Variants in SMAP1 observed in about 807,000 individuals in gnomAD.
SMAP1 encodes the protein stromal membrane-associated protein 1.
In SMAP1, 24 loss-of-function variants were observed where a neutral mutation model predicts 58.5. That is an observed-to-expected ratio of 0.41 (90% CI 0.30 to 0.58). The LOEUF (loss-of-function observed/expected upper bound fraction) is 0.58. Ranked by LOEUF, SMAP1 falls within the 20% of genes least tolerant of loss-of-function variation. The probability of loss-of-function intolerance (pLI) is 0.29; values close to 1 mark genes in which losing one functional copy is unlikely to be tolerated. For missense variants in SMAP1, 563 were observed against 566.3 expected, an observed-to-expected ratio of 0.99 and a Z score of 0.06; for synonymous variants, 216 against 196.6, an observed-to-expected ratio of 1.10 and a Z score of -0.82.
At chr6:70,673,687 G>A (rs1562084452) in intron 1 of SMAP1, among the ~76,000 whole-genome samples, 1 of 152,158 alleles carries the variant, frequency 6.6e-6, no homozygotes, top group South Asian at 2.1e-4. Flanking sequence ...AAAGAAATTT[G>A]CCAATCTAAA....
At chr6:70,724,722 C>T (rs79510349) in intron 1 of SMAP1, among the ~76,000 whole-genome samples, 102 of 152,162 alleles carry the variant, frequency 6.7e-4, no homozygotes, top group East Asian at 3.1e-3. Flanking sequence ...TTAGCATTGC[C>T]GAGGCTTCTT....
intron 1 of SMAP1, among the ~76,000 whole-genome samples, chr6:70,690,332 C>G (rs894859643): frequency 5.3e-5 from 8 of 151,546 alleles, no homozygotes; most frequent in Non-Finnish European, 1.0e-4. Flanking sequence ...TTGAGACGGA[C>G]TTTCGCTCTT....
chr6:70,785,871 G>C (rs1308470931), intron 4 of SMAP1, among the ~76,000 whole-genome samples: 1 of 152,138 alleles, frequency 6.6e-6, no homozygotes, highest in Admixed American at 6.5e-5. Context: ...TCTACCAGAG[G>C]TACAAGGAGG....
chr6:70,763,754 G>A (rs1415455429), intron 3 of SMAP1, among the ~76,000 whole-genome samples: 5 of 152,184 alleles, frequency 3.3e-5, no homozygotes, highest in African/African-American at 4.8e-5. Context: ...GAAAGTTGGA[G>A]TGGTTTGGAT....
At chr6:70,813,640 A>G (rs1162851426) in intron 6 of SMAP1, among the ~76,000 whole-genome samples, 2 of 152,090 alleles carry the variant, frequency 1.3e-5, no homozygotes, top group African/African-American at 4.8e-5. Context: ...GTGCAGAAGG[A>G]CGTATATATT....
intron 1 of SMAP1, among the ~76,000 whole-genome samples, chr6:70,696,195 CAAA>C (rs543090947): frequency 6.6e-6 from 1 of 150,888 alleles, no homozygotes; most frequent in East Asian, 1.9e-4. Context: ...CTTATCTTTT[CAAA>C]AAAAACAGCA....
chr6:70,778,949 A>G (rs1767653504), intron 4 of SMAP1, among the ~76,000 whole-genome samples: 1 of 152,174 alleles, frequency 6.6e-6, no homozygotes, highest in Non-Finnish European at 1.5e-5. Context: ...GTGTGTGTGG[A>G]TGGTGGCCAA....
chr6:70,669,774 A>ATTT (rs1766188072), intron 1 of SMAP1, among the ~76,000 whole-genome samples: 1 of 152,234 alleles, frequency 6.6e-6, no homozygotes, highest in Non-Finnish European at 1.5e-5. Context: ...AAATCTGTTC[A>ATTT]TTAAAAGTCG....
chr6:70,786,403 T>A (rs539670857), intron 4 of SMAP1, among the ~76,000 whole-genome samples: 9 of 140,962 alleles, frequency 6.4e-5, no homozygotes, highest in Admixed American at 5.9e-4. Flanking sequence ...AAGACAGGGA[T>A]GCCCTCTCTC....
At chr6:70,839,703 G>C (rs1770729490) in intron 7 of SMAP1, among the ~76,000 whole-genome samples, 1 of 152,176 alleles carries the variant, frequency 6.6e-6, no homozygotes, top group African/African-American at 2.4e-5. Flanking sequence ...AAAGAGGGCT[G>C]TCTTGCTGTG....
chr6:70,842,304 C>T (rs1262920781), intron 7 of SMAP1, among the ~76,000 whole-genome samples: 6 of 152,162 alleles, frequency 3.9e-5, no homozygotes, highest in Non-Finnish European at 5.9e-5. Flanking sequence ...AAGGAGGTCT[C>T]AGGGATTGGT....
chr6:70,755,853 C>T (rs1165740939), intron 3 of SMAP1, among the ~76,000 whole-genome samples: 11 of 151,910 alleles, frequency 7.2e-5, no homozygotes, highest in Non-Finnish European at 1.3e-4. Flanking sequence ...TTATGTGAGG[C>T]ATTGTGGCAT....
intron 2 of SMAP1, among the ~76,000 whole-genome samples, chr6:70,742,155 T>C (rs889193532): frequency 3.3e-5 from 5 of 152,376 alleles, no homozygotes; most frequent in African/African-American, 1.2e-4. Flanking sequence ...TCCTCATTAC[T>C]TACGCAGATT....
intron 8 of SMAP1, among the ~76,000 whole-genome samples, chr6:70,855,266 G>A (rs1161857404): frequency 6.6e-5 from 10 of 152,130 alleles, no homozygotes; most frequent in African/African-American, 1.9e-4. Context: ...TCCTGGGGTC[G>A]TAGTGCTGGC....
chr6:70,776,275 CGGGTT>C (rs1404728302), intron 4 of SMAP1, among the ~76,000 whole-genome samples: 1 of 152,098 alleles, frequency 6.6e-6, no homozygotes, highest in Middle Eastern at 3.2e-3. Flanking sequence ...CTCTGCCTTG[CGGGTT>C]CAAGCAATTC....
intron 6 of SMAP1, among the ~76,000 whole-genome samples, chr6:70,814,538 G>C (rs1308717135): frequency 6.6e-6 from 1 of 152,094 alleles, no homozygotes; most frequent in Non-Finnish European, 1.5e-5. Context: ...TTGATCAGAT[G>C]TCATTAGAGC....
At chr6:70,695,448 T>G (rs1334781793) in intron 1 of SMAP1, among the ~76,000 whole-genome samples, 1 of 152,170 alleles carries the variant, frequency 6.6e-6, no homozygotes, top group Non-Finnish European at 1.5e-5. Flanking sequence ...TGTGTTGAGG[T>G]ATGTTCCTTC....
intron 7 of SMAP1, among the ~76,000 whole-genome samples, chr6:70,837,378 G>C (rs1770633373): frequency 6.6e-6 from 1 of 151,796 alleles, no homozygotes. Flanking sequence ...GTTTTGTGGG[G>C]GATTTTTCCT....
chr6:70,746,665 A>C (rs938854567), intron 2 of SMAP1, among the ~76,000 whole-genome samples: 1 of 152,178 alleles, frequency 6.6e-6, no homozygotes, highest in South Asian at 2.1e-4. Context: ...AGACTTTAGT[A>C]TCAGGATGAT....
Sources: allele counts gnomAD v4.1 joint callset (sites outside exome capture counted in the v4.1 genomes callset), GRCh38; gene constraint gnomAD v4.1.1; transcripts MANE v1.5; gene names NCBI Gene and HGNC (gene_info 2026-07-23, HGNC 2026-07-21).